The following ROBO2 variants were observed in gnomAD, a reference collection of about 807,000 sequenced individuals.
ROBO2 encodes the protein roundabout homolog 2.
ROBO2 carries 53 observed loss-of-function variants against 160.8 expected under a neutral mutation model. The observed-to-expected ratio is 0.33, with a 90% CI of 0.26 to 0.41. The LOEUF is 0.41. ROBO2 is among the 10% of genes least tolerant of loss of function. The probability of loss-of-function intolerance (pLI) is 1.00; values close to 1 mark genes in which losing one functional copy is unlikely to be tolerated. For synonymous variants in ROBO2, 664 were observed against 611.7 expected (o/e 1.09, Z -1.26); for missense variants, 1,577 against 1,722.4 (o/e 0.92, Z 1.49).
At chr3:75,979,770 C>T (rs2107437535) in intron 2 of ROBO2, among the ~76,000 whole-genome samples, 1 of 151,662 alleles carries the variant, frequency 6.6e-6, no homozygotes, top group Non-Finnish European at 1.5e-5. Context: ...AGCCTGAAAG[C>T]TACACATTGT....
chr3:76,355,556 T>G lies in ROBO2; in HGVS notation c.109+417954T>G, dbSNP rs934540961. Among the ~76,000 whole-genome samples the G allele has an allele frequency of 7.3e-4, 111 of 151,784 alleles. 1 individual carries two copies. Among genetic ancestry groups the G allele is most frequent in the Non-Finnish European group, 1.2e-4 (8 of 67,820 alleles). Reference sequence around the variant, plus strand: ...TAACTGTTACATTCTGCAAATATTCTAACCTATATATTCACTTATTCCTTA... The same window carrying G: ...TAACTGTTACATTCTGCAAATATTCGAACCTATATATTCACTTATTCCTTA... On this transcript the variant is annotated intron_variant, in intron 2 of 26. Coordinates refer to the ROBO2 transcript ENST00000487694.
At chr3:76,643,873 G>A (rs80325368) in intron 2 of ROBO2, among the ~76,000 whole-genome samples, 2,668 of 151,952 alleles carry the variant, frequency 0.018, 83 homozygotes, top group African/African-American at 0.059. Context: ...CTGAATAAGG[G>A]GTTTGCACAC....
intron 2 of ROBO2, among the ~76,000 whole-genome samples, chr3:76,268,745 C>A (rs556918296): frequency 1.3e-5 from 2 of 152,180 alleles, no homozygotes; most frequent in East Asian, 3.9e-4. Context: ...TCATCATTTC[C>A]TCCTCTCTTC....
intron 5 of ROBO2, among the ~76,000 whole-genome samples, chr3:77,512,528 C>G (rs2089522818): frequency 6.6e-6 from 1 of 151,894 alleles, no homozygotes. Flanking sequence ...TAACATGGTA[C>G]AGTGGAACTG....
chr3:77,010,939 T>TTTCC (rs1316464743), intron 2 of ROBO2, among the ~76,000 whole-genome samples: 9 of 144,888 alleles, frequency 6.2e-5, no homozygotes, highest in Admixed American at 3.5e-4. Flanking sequence ...CTTTCTTCTC[T>TTTCC]TTCCTTCCTT....
At chr3:76,586,143 C>A (rs2086024401) in intron 2 of ROBO2, among the ~76,000 whole-genome samples, 1 of 152,120 alleles carries the variant, frequency 6.6e-6, no homozygotes, top group South Asian at 2.1e-4. Context: ...AGGATAATAG[C>A]AAAATGAGGG....
intron 2 of ROBO2, among the ~76,000 whole-genome samples, chr3:76,444,900 G>C (rs893478293): frequency 7.9e-5 from 12 of 152,044 alleles, no homozygotes; most frequent in East Asian, 1.9e-4. Flanking sequence ...ATTTCTAAAG[G>C]TTTTATGCCA....
intron 2 of ROBO2, among the ~76,000 whole-genome samples, chr3:76,164,388 G>A (rs1036069096): frequency 3.3e-5 from 5 of 152,124 alleles, no homozygotes; most frequent in Admixed American, 3.3e-4. Flanking sequence ...TTCTTTTCAG[G>A]AGGGTTTCAG....
chr3:77,279,919 A>G (rs567348519), intron 2 of ROBO2, among the ~76,000 whole-genome samples: 1 of 152,282 alleles, frequency 6.6e-6, no homozygotes, highest in Admixed American at 6.5e-5. Context: ...AAAAGTGGCA[A>G]GAATACCTTG....
At chr3:76,561,053 G>GAC (rs145132422) in intron 2 of ROBO2, among the ~76,000 whole-genome samples, 74 of 146,010 alleles carry the variant, frequency 5.1e-4, no homozygotes, top group African/African-American at 1.5e-3. Context: ...TCTATATATA[G>GAC]ACACACACAC....
chr3:76,767,414 G>A (rs1213950927), intron 2 of ROBO2, among the ~76,000 whole-genome samples: 1 of 151,502 alleles, frequency 6.6e-6, no homozygotes, highest in African/African-American at 2.4e-5. Flanking sequence ...ATCTCTTCTT[G>A]TTCGAAGAAC....
At chr3:76,286,004 A>C (rs1229949333) in intron 2 of ROBO2, among the ~76,000 whole-genome samples, 1 of 152,186 alleles carries the variant, frequency 6.6e-6, no homozygotes, top group Non-Finnish European at 1.5e-5. Flanking sequence ...TATTCTGGAC[A>C]CTTAGGTAGG....
At chr3:76,782,236 TA>T (rs1481437140) in intron 2 of ROBO2, among the ~76,000 whole-genome samples, 1 of 150,764 alleles carries the variant, frequency 6.6e-6, no homozygotes, top group African/African-American at 2.4e-5. Flanking sequence ...TTCATACCGT[TA>T]TGGTAGAAAA....
intron 2 of ROBO2, among the ~76,000 whole-genome samples, chr3:75,991,439 A>C (rs1196877671): frequency 6.6e-6 from 1 of 152,094 alleles, no homozygotes; most frequent in Non-Finnish European, 1.5e-5. Flanking sequence ...ATAAATCATG[A>C]GTTCCCCACA....
At chr3:76,370,313 A>G (rs536957389) in intron 2 of ROBO2, among the ~76,000 whole-genome samples, 11 of 152,066 alleles carry the variant, frequency 7.2e-5, no homozygotes, top group Non-Finnish European at 1.0e-4. Flanking sequence ...CTTGTATTCA[A>G]TATGCAGATG....
At chr3:77,338,882 G>A (rs375330658) in intron 2 of ROBO2, among the ~76,000 whole-genome samples, 124 of 152,174 alleles carry the variant, frequency 8.1e-4, no homozygotes, top group African/African-American at 2.8e-3. Context: ...GGCTAGAATA[G>A]TAACGCCAGT....
chr3:77,028,811 T>TG (rs1386340951), intron 2 of ROBO2, among the ~76,000 whole-genome samples: 2 of 152,252 alleles, frequency 1.3e-5, no homozygotes, highest in South Asian at 2.1e-4. Context: ...TGATTCCATG[T>TG]TGCCATATAT....
intron 2 of ROBO2, among the ~76,000 whole-genome samples, chr3:76,596,794 A>G (rs1458006519): frequency 2.0e-5 from 3 of 152,120 alleles, no homozygotes; most frequent in African/African-American, 7.2e-5. Context: ...TAAAGGTGGT[A>G]TAGGAGACAT....
chr3:75,912,400 TA>T (rs1946635868), intron 1 of ROBO2, among the ~76,000 whole-genome samples: 1 of 152,224 alleles, frequency 6.6e-6, no homozygotes, highest in African/African-American at 2.4e-5. Context: ...AGAAGTGGTT[TA>T]TTTTTACCAA....
Sources: gnomAD v4.1 joint callset for allele counts (sites outside exome capture counted in the v4.1 genomes callset) on GRCh38, gnomAD v4.1.1 for gene constraint, MANE v1.5 for transcripts, NCBI Gene and HGNC (gene_info 2026-07-23, HGNC 2026-07-21) for gene names.